Variants in CDKL3 observed in about 807,000 individuals in gnomAD.
CDKL3 encodes cyclin dependent kinase like 3, also known as cyclin-dependent kinase-like 3.
Under a neutral mutation model 69.3 loss-of-function variants are expected in CDKL3, and 65 were observed. The observed-to-expected ratio is 0.94, with a 90% CI of 0.77 to 1.15. The LOEUF (loss-of-function observed/expected upper bound fraction) is 1.15, where lower values mean the gene tolerates loss of function less well. Among genes scored for constraint, CDKL3 ranks in the 50% most tolerant of loss-of-function variants. CDKL3 has a pLI of 0.00. For synonymous variants in CDKL3, 202 were observed against 221.6 expected (o/e 0.91, Z 0.79); for missense variants, 652 against 689.2 (o/e 0.95, Z 0.61).
chr5:134,308,279 G>C lies in CDKL3; in HGVS notation c.1223C>G (p.Pro408Arg). 3 of 1,613,904 alleles carry C rather than the reference G, an allele frequency of 1.9e-6. No individual in the cohort carries two copies. Among genetic ancestry groups the C allele is most frequent in the Non-Finnish European group, 2.5e-6 (3 of 1,179,862 alleles). The change falls in exon 9 of 13, where the codon CCT becomes CGT. Residue 408 changes from proline (P) to arginine (R), a missense_variant. Transcript: ENST00000265334. The part of the protein sequence containing the change: ...TKLVTIEPPN[P>R]INPSTNCNGL... ...ATTACAGTTAGTGCTGGGATTGATA[G>C]GGTTTGGTGGTTCAATGGTTACAAG...
intron 3 of CDKL3, among the ~76,000 whole-genome samples, chr5:134,350,822 GAAAAAAAAGAAAAA>G (rs546899311): frequency 0.011 from 636 of 56,490 alleles, 2 homozygotes; most frequent in African/African-American, 0.035. Flanking sequence ...TCTAAAAAAA[GAAAAAAAAGAAAAA>G]AAAAAAAAGA....
At chr5:134,364,026 CAAAG>C (rs968324048) in intron 2 of CDKL3, among the ~76,000 whole-genome samples, 1 of 145,020 alleles carries the variant, frequency 6.9e-6, no homozygotes, top group African/African-American at 2.6e-5. Context: ...TATAGACTTA[CAAAG>C]AAAGAAGAAA....
At chr5:134,349,853 TA>T (rs1442469899) in intron 4 of CDKL3, among the ~76,000 whole-genome samples, 1 of 152,030 alleles carries the variant, frequency 6.6e-6, no homozygotes. Flanking sequence ...GTGTCAGTAT[TA>T]GGGGTGACAG....
rs370652552 is a variant in CDKL3, at chr5:134,308,428, G to A, written c.1074C>T (p.Val358=). The change falls in exon 9 of 13, where the codon GTC becomes GTT. Residue 358 remains valine, a synonymous_variant. Transcript: ENST00000265334. ...EKEKKPKEIK[V]RVIKVKGGRG... ...TTCCTCCTTTGACTTTAATAACTCT[G>A]ACTTTGATCTCCTTGGGCTTTTTCT... The A allele has an allele frequency of 7.4e-6, 12 of 1,612,362 alleles. No homozygotes were observed. In the African/African-American group the frequency reaches 1.3e-4, roughly 18 times the overall value.
chr5:134,360,193 T>C, intron 2 of CDKL3, 102 bp from the exon 3 acceptor site: 1 of 811,970 alleles, frequency 1.2e-6, no homozygotes, highest in Non-Finnish European at 1.9e-6. Flanking sequence ...ATTCTTAGCT[T>C]TGTTCCATGC....
chr5:134,353,281 C>T (rs79144346), intron 3 of CDKL3, among the ~76,000 whole-genome samples: 2,694 of 152,206 alleles, frequency 0.018, 94 homozygotes, highest in African/African-American at 0.062. Flanking sequence ...TCTTCTCCCC[C>T]AAACCTACTG....
intron 4 of CDKL3, among the ~76,000 whole-genome samples, chr5:134,339,434 C>G (rs1749894826): frequency 6.6e-6 from 1 of 151,924 alleles, no homozygotes; most frequent in East Asian, 1.9e-4. Context: ...AAAAATGTTA[C>G]TAGAGATGAA....
chr5:134,314,685 G>A (rs1056168444), intron 6 of CDKL3, among the ~76,000 whole-genome samples: 2 of 152,218 alleles, frequency 1.3e-5, no homozygotes, highest in African/African-American at 4.8e-5. Context: ...TATGCTGAGT[G>A]GAAGAAGCCA....
chr5:134,310,501 T>C (rs1769155073), intron 7 of CDKL3, among the ~76,000 whole-genome samples: 1 of 151,278 alleles, frequency 6.6e-6, no homozygotes, highest in Non-Finnish European at 1.5e-5. Flanking sequence ...ATTCTTTTAT[T>C]TTTTGAGACG....
intron 4 of CDKL3, among the ~76,000 whole-genome samples, chr5:134,342,171 C>T (rs907529082): frequency 6.6e-6 from 1 of 152,002 alleles, no homozygotes; most frequent in South Asian, 2.1e-4. Flanking sequence ...TTTTTATGCC[C>T]GTGCAATGAA....
At chr5:134,294,481 G>A (rs1765261471), downstream of CDKL3, among the ~76,000 whole-genome samples, 1 of 152,126 alleles carries the variant, frequency 6.6e-6, no homozygotes, top group African/African-American at 2.4e-5. Flanking sequence ...GCTCAAAATT[G>A]TATCACAAAT....
intron 4 of CDKL3, among the ~76,000 whole-genome samples, chr5:134,345,413 A>ATAC (rs762033096): frequency 2.6e-5 from 4 of 152,228 alleles, no homozygotes; most frequent in Non-Finnish European, 4.4e-5. Context: ...CAGAGACTAC[A>ATAC]TACTAGGTCC....
intron 4 of CDKL3, among the ~76,000 whole-genome samples, chr5:134,327,187 GC>G (rs1774612260): frequency 6.6e-6 from 1 of 151,988 alleles, no homozygotes; most frequent in Non-Finnish European, 1.5e-5. Context: ...CTTCCAACCA[GC>G]CCCTGTTCAT....
chr5:134,367,658 G>A (rs1408220248), upstream of CDKL3, among the ~76,000 whole-genome samples: 1 of 152,186 alleles, frequency 6.6e-6, no homozygotes, highest in African/African-American at 2.4e-5. Context: ...ACAGGCGTAA[G>A]CCACCGCCCC....
At position 134,366,497 on chromosome 5, in the gene CDKL3, T is replaced by G; in HGVS notation, c.27A>C (p.Lys9Asn). The G allele has an allele frequency of 3.1e-6, 5 of 1,607,038 alleles. No individual in the cohort carries two copies. The highest frequency in any genetic ancestry group is 4.2e-6 in the Non-Finnish European group (5 of 1,176,838). ...CTGTTCCGTAACTTCCCTCTCCCAC[T>G]TTTCCAAGGGTTTCATACATCTCCA... MEMYETLG[K>N]VGEGSYGTVM... The change falls in exon 2 of 13, where the codon AAA becomes AAC. Residue 9 changes from lysine (K) to asparagine (N), a missense_variant. Transcript: ENST00000265334.
intron 3 of CDKL3, among the ~76,000 whole-genome samples, chr5:134,357,200 C>T (rs1444623648): frequency 6.6e-6 from 1 of 151,794 alleles, no homozygotes; most frequent in Non-Finnish European, 1.5e-5. Context: ...AATCCCAGCA[C>T]TTTGGGAGGC....
chr5:134,344,664 C>T (rs534364159), intron 4 of CDKL3, among the ~76,000 whole-genome samples: 1 of 152,262 alleles, frequency 6.6e-6, no homozygotes, highest in Non-Finnish European at 1.5e-5. Flanking sequence ...TGGCTCACAC[C>T]TATCATCCTA....
intron 11 of CDKL3, 91 bp from the exon 12 acceptor site, chr5:134,302,778 T>G: frequency 1.5e-6 from 1 of 650,296 alleles, no homozygotes; most frequent in South Asian, 1.9e-5. Flanking sequence ...AGAAATCCAC[T>G]AAGTCAGTTT....
intron 6 of CDKL3, among the ~76,000 whole-genome samples, chr5:134,316,778 T>A (rs1771205705): frequency 6.6e-6 from 1 of 152,164 alleles, no homozygotes. Context: ...TTATAGTATC[T>A]TTAAATGTAC....
Sources: allele counts gnomAD v4.1 joint callset (sites outside exome capture counted in the v4.1 genomes callset), GRCh38; gene constraint gnomAD v4.1.1; transcripts MANE v1.5; gene names NCBI Gene and HGNC (gene_info 2026-07-23, HGNC 2026-07-21).